Variants in CASK observed in about 807,000 individuals in gnomAD.
CASK encodes the protein peripheral plasma membrane protein CASK.
CASK carries 4 observed loss-of-function variants against 82.9 expected under a neutral mutation model. The observed-to-expected ratio is 0.05, with a 90% CI of 0.02 to 0.11. The LOEUF (loss-of-function observed/expected upper bound fraction) is 0.11. Among genes scored for constraint, CASK ranks in the 10% least tolerant of loss-of-function variants. The pLI is 1.00. For synonymous variants in CASK, 259 were observed against 253.5 expected, an observed-to-expected ratio of 1.02 and a Z score of -0.20; for missense variants, 358 against 720.9, an observed-to-expected ratio of 0.50 and a Z score of 5.76.
chrX:41,542,106 G>A (rs1211216829), intron 22 of CASK, among the ~76,000 whole-genome samples: 1 of 112,321 alleles, frequency 8.9e-6, no homozygotes, highest in Non-Finnish European at 1.9e-5. Flanking sequence ...ATACTATAAA[G>A]GGAAGGCCAA....
rs1454312842 is a variant in CASK, at chrX:41,666,068, T to C, written c.533-616A>G. ...GTTAATTATAGCAATTAACAATAGT[T>C]AGTAATATTTTGTTATAGTAGGAGT... is the stretch of plus-strand genomic sequence containing the variant. On this transcript the variant is annotated intron_variant, in intron 6 of 26. Coordinates refer to ENST00000378163, the MANE Select transcript of CASK (RefSeq NM_001367721.1). 7.1e-5 allele frequency among the ~76,000 whole-genome samples: 8 copies of C among 112,370 alleles called. No individual in the cohort carries two copies. The East Asian group carries it at 2.2e-3, about 31-fold the overall frequency.
At chrX:41,592,602 C>T in intron 12 of CASK, among the ~76,000 whole-genome samples, 1 of 111,198 alleles carries the variant, frequency 9.0e-6, no homozygotes, top group African/African-American at 3.3e-5. Context: ...CTGGACCCCC[C>T]TCCAGACCTA....
intron 3 of CASK, among the ~76,000 whole-genome samples, chrX:41,751,532 G>A (rs1330304879): frequency 9.1e-6 from 1 of 109,515 alleles, no homozygotes; most frequent in Non-Finnish European, 1.9e-5. Context: ...TGTGGGTTTT[G>A]GAAAGGAGGG....
At chrX:41,604,666 G>T (rs1368776524) in intron 12 of CASK, among the ~76,000 whole-genome samples, 1 of 111,436 alleles carries the variant, frequency 9.0e-6, no homozygotes, top group Non-Finnish European at 1.9e-5. Context: ...ATGTCAAATT[G>T]TACTTTACTA....
At chrX:41,537,167 CACAA>C (rs1272579714) in intron 22 of CASK, among the ~76,000 whole-genome samples, 1 of 110,928 alleles carries the variant, frequency 9.0e-6, no homozygotes, top group African/African-American at 3.3e-5. Flanking sequence ...CCATCAAAAC[CACAA>C]ACAGACATGT....
At chrX:41,759,077 A>T (rs753981437) in intron 3 of CASK, among the ~76,000 whole-genome samples, 1 of 112,213 alleles carries the variant, frequency 8.9e-6, no homozygotes, top group East Asian at 2.8e-4. Context: ...ATCTATTGAT[A>T]CCTTTTTTCT....
At chrX:41,905,646 C>T (rs1441710005) in intron 1 of CASK, among the ~76,000 whole-genome samples, 2 of 113,084 alleles carry the variant, frequency 1.8e-5, no homozygotes, top group East Asian at 2.8e-4. Flanking sequence ...ATGGCCCCTT[C>T]GCTTTGCCTA....
At chrX:41,667,271 G>A (rs762130455) in intron 6 of CASK, among the ~76,000 whole-genome samples, 29 of 111,443 alleles carry the variant, frequency 2.6e-4, no homozygotes, top group Non-Finnish European at 5.1e-4. Flanking sequence ...TGTAGAGGAA[G>A]GCTCTTTTAT....
intron 3 of CASK, among the ~76,000 whole-genome samples, chrX:41,746,104 C>A (rs2068682742): frequency 8.9e-6 from 1 of 111,753 alleles, no homozygotes; most frequent in Non-Finnish European, 1.9e-5. Context: ...TCCCAAAGTT[C>A]ATCGCTACAA....
At chrX:41,737,895 C>A (rs2068524048) in intron 5 of CASK, among the ~76,000 whole-genome samples, 1 of 112,732 alleles carries the variant, frequency 8.9e-6, no homozygotes, top group Non-Finnish European at 1.9e-5. Flanking sequence ...TTAATTAATG[C>A]AAAATAACTG....
rs759199777 is a variant in CASK, at chrX:41,922,999, G to C, written c.-11C>G. ...GTCGTCGTCGGCCATGGTCCGGAGGGGATAGCGGCCGCAGCGTGGAGGGCT... is the reference window on the plus strand; with the variant it reads ...GTCGTCGTCGGCCATGGTCCGGAGGCGATAGCGGCCGCAGCGTGGAGGGCT... On this transcript the variant is annotated 5_prime_UTR_variant, in exon 1 of 27. Transcript: ENST00000378163. The C allele has an allele frequency of 5.0e-6, 6 of 1,209,120 alleles. No homozygotes were observed. The South Asian group carries it at 8.8e-5, about 18-fold the overall frequency.
chrX:41,689,619 G>A (rs900187722), intron 5 of CASK: 1 of 111,617 alleles, frequency 9.0e-6, no homozygotes, highest in African/African-American at 3.3e-5. Context: ...ATATGCTTTA[G>A]TTCAAATAAT....
chrX:41,731,488 C>G (rs900549599), intron 5 of CASK, among the ~76,000 whole-genome samples: 1 of 112,213 alleles, frequency 8.9e-6, no homozygotes, highest in African/African-American at 3.2e-5. Context: ...AATCACTTTA[C>G]AGCTCTACCA....
intron 8 of CASK, among the ~76,000 whole-genome samples, chrX:41,657,819 A>G (rs771113103): frequency 7.2e-5 from 8 of 111,780 alleles, no homozygotes; most frequent in Non-Finnish European, 1.5e-4. Context: ...ATTTCCTGGC[A>G]TACAACTCCT....
chrX:41,663,716 G>A lies in CASK; in HGVS notation c.708+1561C>T, dbSNP rs139069452. Reference sequence around the variant, plus strand: ...CTATAACTCAAAAACGCAGGTGGGGGATTATTATTATATGGTACCTACCTC... The same window carrying A: ...CTATAACTCAAAAACGCAGGTGGGGAATTATTATTATATGGTACCTACCTC... On this transcript the variant is annotated intron_variant, in intron 7 of 26. Transcript: ENST00000378163. Among the ~76,000 whole-genome samples the A allele has an allele frequency of 1.5e-3, 171 of 111,715 alleles. 1 individual carries two copies. Among genetic ancestry groups the A allele is most frequent in the African/African-American group, 5.3e-3 (163 of 30,757 alleles).
chrX:41,543,933 T>A (rs768400449), intron 21 of CASK, among the ~76,000 whole-genome samples: 1 of 112,492 alleles, frequency 8.9e-6, no homozygotes, highest in South Asian at 3.7e-4. Flanking sequence ...ACTGTGTTTT[T>A]AATTTACATT....
intron 1 of CASK, among the ~76,000 whole-genome samples, chrX:41,866,592 T>G (rs2071595916): frequency 8.9e-6 from 1 of 112,118 alleles, no homozygotes; most frequent in African/African-American, 3.2e-5. Flanking sequence ...AAAGTAAGTC[T>G]ACGCCTTTTT....
At chrX:41,827,698 C>T (rs1389627796) in intron 2 of CASK, among the ~76,000 whole-genome samples, 1 of 112,015 alleles carries the variant, frequency 8.9e-6, no homozygotes, top group African/African-American at 3.2e-5. Context: ...ATTTTATCAG[C>T]CACCCTGCTG....
At chrX:41,569,998 CTTTTCTT>C (rs947485543) in intron 15 of CASK, among the ~76,000 whole-genome samples, 4 of 88,813 alleles carry the variant, frequency 4.5e-5, no homozygotes, top group African/African-American at 8.0e-5. Context: ...ATTTTCTTTT[CTTTTCTT>C]TTTTCTTTTT....
Sources: gnomAD v4.1 joint callset for allele counts (sites outside exome capture counted in the v4.1 genomes callset) on GRCh38, gnomAD v4.1.1 for gene constraint, MANE v1.5 for transcripts, NCBI Gene and HGNC (gene_info 2026-07-23, HGNC 2026-07-21) for gene names.